The following SPMIP2 variants were observed in gnomAD, a reference collection of about 807,000 sequenced individuals.
The protein encoded by SPMIP2 is sperm microtubule inner protein 2, also known as protein SPMIP2.
chr4:159,077,989 A>G, the SPMIP2 span, among the ~76,000 whole-genome samples: 3 of 152,218 alleles, frequency 2.0e-5, no homozygotes, highest in Non-Finnish European at 4.4e-5. Flanking sequence ...TTATATATAA[A>G]TAACATAGAA....
At chr4:159,013,745 C>T in the SPMIP2 span, among the ~76,000 whole-genome samples, 3 of 152,154 alleles carry the variant, frequency 2.0e-5, no homozygotes, top group Non-Finnish European at 4.4e-5. Flanking sequence ...ATCATAACAA[C>T]ATACAATGCA....
the SPMIP2 span, chr4:158,906,641 G>A: frequency 2.0e-5 from 3 of 152,198 alleles, no homozygotes; most frequent in Non-Finnish European, 4.4e-5. Flanking sequence ...TGGGTCACAT[G>A]TGGGGGCTGT....
At chr4:159,056,133 A>G in the SPMIP2 span, among the ~76,000 whole-genome samples, 1 of 152,118 alleles carries the variant, frequency 6.6e-6, no homozygotes, top group African/African-American at 2.4e-5. Flanking sequence ...GTGCTTAGAG[A>G]CTATAGCAAT....
the SPMIP2 span, among the ~76,000 whole-genome samples, chr4:158,982,401 C>T: frequency 6.6e-6 from 1 of 152,154 alleles, no homozygotes; most frequent in Non-Finnish European, 1.5e-5. Context: ...AACTCTCCAC[C>T]CCAAATCAAT....
chr4:158,962,129 C>T, the SPMIP2 span, among the ~76,000 whole-genome samples: 22 of 152,230 alleles, frequency 1.4e-4, 1 homozygote, highest in Admixed American at 5.2e-4. Flanking sequence ...ATTCACATAT[C>T]GTGAGTTACA....
the SPMIP2 span, among the ~76,000 whole-genome samples, chr4:159,054,841 T>A: frequency 1.6e-5 from 2 of 126,374 alleles, no homozygotes; most frequent in African/African-American, 5.9e-5. Flanking sequence ...GCCACTCACA[T>A]AGAAAATGCT....
chr4:158,917,492 C>G, the SPMIP2 span, among the ~76,000 whole-genome samples: 1 of 151,908 alleles, frequency 6.6e-6, no homozygotes, highest in Non-Finnish European at 1.5e-5. Context: ...TTCAGACACA[C>G]ACAGTCCTTC....
the SPMIP2 span, among the ~76,000 whole-genome samples, chr4:159,072,722 C>T: frequency 6.6e-6 from 1 of 152,040 alleles, no homozygotes; most frequent in East Asian, 1.9e-4. Context: ...CTCGGCCTCC[C>T]AAAGTGCTGG....
chr4:159,047,571 G>T, the SPMIP2 span, among the ~76,000 whole-genome samples: 1 of 152,074 alleles, frequency 6.6e-6, no homozygotes, highest in Non-Finnish European at 1.5e-5. Flanking sequence ...CATCTATCTT[G>T]GTTGCTTTAT....
At chr4:158,978,226 GT>G in the SPMIP2 span, among the ~76,000 whole-genome samples, 1 of 152,200 alleles carries the variant, frequency 6.6e-6, no homozygotes, top group Non-Finnish European at 1.5e-5. Flanking sequence ...TAGTTGTGCG[GT>G]TTTGAGTGAG....
the SPMIP2 span, among the ~76,000 whole-genome samples, chr4:158,993,189 T>C: frequency 1.3e-5 from 2 of 151,942 alleles, no homozygotes; most frequent in Non-Finnish European, 2.9e-5. Context: ...AGTAAGACCC[T>C]GTCTCTACAA....
At chr4:158,977,692 G>A in the SPMIP2 span, among the ~76,000 whole-genome samples, 1 of 139,248 alleles carries the variant, frequency 7.2e-6, no homozygotes, top group South Asian at 2.4e-4. Context: ...TCGGCTCACT[G>A]CAAGCTCTGC....
chr4:158,998,161 T>C, the SPMIP2 span, among the ~76,000 whole-genome samples: 7 of 152,204 alleles, frequency 4.6e-5, no homozygotes, highest in African/African-American at 1.7e-4. Flanking sequence ...ATTAGAATTT[T>C]ATATAGTTTT....
chr4:159,075,268 C>G, the SPMIP2 span, among the ~76,000 whole-genome samples: 1 of 152,280 alleles, frequency 6.6e-6, no homozygotes, highest in East Asian at 1.9e-4. Context: ...ATGTACATTT[C>G]ATGTGACAGA....
the SPMIP2 span, chr4:158,973,117 TA>T: frequency 1.2e-6 from 2 of 1,608,396 alleles, no homozygotes; most frequent in Non-Finnish European, 1.7e-6. Context: ...GATTTGTTGA[TA>T]AAATTATACT....
At chr4:158,956,295 G>A in the SPMIP2 span, among the ~76,000 whole-genome samples, 2 of 152,254 alleles carry the variant, frequency 1.3e-5, no homozygotes, top group Non-Finnish European at 2.9e-5. Context: ...GCTGGGTGCG[G>A]TGGCTCACGC....
chr4:159,004,412 T>A, the SPMIP2 span, among the ~76,000 whole-genome samples: 2 of 149,702 alleles, frequency 1.3e-5, no homozygotes, highest in Non-Finnish European at 3.0e-5. Context: ...TGTGTCAGCC[T>A]CCTGAGTAGC....
At chr4:159,004,855 T>A in the SPMIP2 span, among the ~76,000 whole-genome samples, 2 of 151,964 alleles carry the variant, frequency 1.3e-5, no homozygotes, top group African/African-American at 4.8e-5. Context: ...AGGTCAAGAG[T>A]GGTTTTGTTT....
the SPMIP2 span, among the ~76,000 whole-genome samples, chr4:158,928,425 A>G: frequency 6.6e-6 from 1 of 152,090 alleles, no homozygotes; most frequent in Non-Finnish European, 1.5e-5. Context: ...TGAATGCACC[A>G]ATCGACACTC....
Sources: gnomAD v4.1 joint callset for allele counts (sites outside exome capture counted in the v4.1 genomes callset) on GRCh38, gnomAD v4.1.1 for gene constraint, MANE v1.5 for transcripts, NCBI Gene and HGNC (gene_info 2026-07-23, HGNC 2026-07-21) for gene names.